Variants in FLACC1 observed in about 807,000 individuals in gnomAD.
FLACC1 encodes the protein flagellum-associated coiled-coil domain-containing protein 1.
A neutral mutation model predicts 62.8 loss-of-function variants in FLACC1; 66 were observed. That is an observed-to-expected ratio of 1.05 (90% CI 0.86 to 1.29). FLACC1 has a LOEUF of 1.29. Ranked by LOEUF, FLACC1 falls within the 50% of genes most tolerant of loss-of-function variation. The probability of loss-of-function intolerance (pLI) is 0.00; values close to 1 mark genes in which losing one functional copy is unlikely to be tolerated. For synonymous variants in FLACC1, 156 were observed against 161.0 expected, an observed-to-expected ratio of 0.97 and a Z score of 0.24; for missense variants, 452 against 489.1, an observed-to-expected ratio of 0.92 and a Z score of 0.71.
upstream of FLACC1, among the ~76,000 whole-genome samples, chr2:201,360,371 G>A (rs1414887766): frequency 1.3e-5 from 2 of 152,186 alleles, no homozygotes; most frequent in African/African-American, 2.4e-5. Context: ...TCTGCACAGG[G>A]CTTGGGGAAA....
chr2:201,342,542 T>C (rs1265651016), intron 6 of FLACC1, 111 bp from the exon 7 acceptor site: 3 of 1,041,234 alleles, frequency 2.9e-6, no homozygotes, highest in Non-Finnish European at 4.4e-6. Context: ...TTCCAATTCA[T>C]GGGGCACAGC....
chr2:201,359,304 G>A (rs1183414878), upstream of FLACC1, among the ~76,000 whole-genome samples: 1 of 152,158 alleles, frequency 6.6e-6, no homozygotes, highest in Non-Finnish European at 1.5e-5. Flanking sequence ...TGAGGTGCAG[G>A]GAGACTAATA....
chr2:201,320,424 G>A (rs371358916), intron 9 of FLACC1, among the ~76,000 whole-genome samples: 13 of 152,332 alleles, frequency 8.5e-5, no homozygotes, highest in African/African-American at 2.4e-4. Context: ...TGCAGGGAAC[G>A]TATATGACTC....
chr2:201,296,001 G>T (rs1002120678), intron 12 of FLACC1, among the ~76,000 whole-genome samples: 61 of 152,078 alleles, frequency 4.0e-4, no homozygotes, highest in African/African-American at 1.2e-3. Flanking sequence ...TCATTAAAAA[G>T]TCAGGAAACA....
rs1402451114 is a variant in FLACC1 at position 201,356,999 on chromosome 2, T to A, written c.-65A>T. The A allele has an allele frequency of 6.6e-6, 1 of 152,188 alleles. No individual in the cohort carries two copies. Among genetic ancestry groups the A allele is most frequent in the Non-Finnish European group, 1.5e-5 (1 of 68,050 alleles). 9.4% of individuals were successfully genotyped at this position (152,188 alleles called of 1,614,324 possible). A position where few individuals can be genotyped will look rare whatever the true frequency, so the allele number is the denominator to read the frequency against. On this transcript the variant is annotated 5_prime_UTR_variant, in exon 1 of 15. Coordinates refer to ENST00000392257, the MANE Select transcript of FLACC1 (RefSeq NM_001127391.3). ...GAGCTTACCTTGGACTGCCCAAAGA[T>A]CTGTTATTCTCATGTGGCCCAAGTC...
Position 201,348,249 on chromosome 2 carries a change from C to T in FLACC1, c.234+5G>A. The T allele has an allele frequency of 6.2e-7, 1 of 1,612,798 alleles. No homozygotes were observed. The highest frequency in any genetic ancestry group is 8.5e-7 in the Non-Finnish European group (1 of 1,179,654). The stretch of plus-strand genomic sequence containing the variant: ...GTCCCACCGCCCTCTCCTGCCTTTA[C>T]TCACATAAAATGATTTATTAGTCTC... On this transcript the variant is annotated splice_donor_5th_base_variant and intron_variant, in intron 4 of 14. Coordinates refer to ENST00000392257, the MANE Select transcript of FLACC1 (RefSeq NM_001127391.3).
At chr2:201,299,701 A>G (rs1046562930) in intron 11 of FLACC1, among the ~76,000 whole-genome samples, 3 of 152,222 alleles carry the variant, frequency 2.0e-5, no homozygotes, top group African/African-American at 7.2e-5. Flanking sequence ...AATACAAAGC[A>G]TGTGGAAAGG....
intron 10 of FLACC1, 56 bp from the exon 11 acceptor site, chr2:201,307,678 A>G (rs954472894): frequency 7.1e-5 from 87 of 1,228,820 alleles, no homozygotes; most frequent in Non-Finnish European, 1.0e-4. Flanking sequence ...AGCAGGTGCA[A>G]TGAGAAACCC....
At chr2:201,360,458 C>T (rs1951176645), upstream of FLACC1, among the ~76,000 whole-genome samples, 1 of 152,168 alleles carries the variant, frequency 6.6e-6, no homozygotes, top group Non-Finnish European at 1.5e-5. Context: ...GGAGGCTTTC[C>T]ATCTGTGGAG....
At chr2:201,319,994 C>T (rs1950373095) in intron 9 of FLACC1, among the ~76,000 whole-genome samples, 1 of 152,204 alleles carries the variant, frequency 6.6e-6, no homozygotes, top group Admixed American at 6.5e-5. Context: ...GGAATACACA[C>T]CCCCACTGTG....
chr2:201,317,342 T>C (rs1411471955), intron 9 of FLACC1, among the ~76,000 whole-genome samples: 3 of 152,140 alleles, frequency 2.0e-5, no homozygotes, highest in Non-Finnish European at 1.5e-5. Flanking sequence ...ATAAAAGAAT[T>C]CAGTAAAGTT....
chr2:201,289,539 T>C lies in FLACC1; in HGVS notation c.1060A>G (p.Met354Val). 6.2e-7 allele frequency: 1 copy of C among 1,614,176 alleles called. No homozygotes were observed. Among genetic ancestry groups the C allele is most frequent in the Non-Finnish European group, 8.5e-7 (1 of 1,180,024 alleles). ...EKAIVGNLEK[M>V]LQTKFAETEE... ...GTTTCAGCAAACTTGGTTTGAAGCA[T>C]TTTCTCCAGATTTCCCACTATAGCT... Residue 354 changes from methionine (M) to valine (V), a missense_variant, in exon 14 of 15, where the codon ATG becomes GTG. Coordinates refer to ENST00000392257, the MANE Select transcript of FLACC1 (RefSeq NM_001127391.3).
intron 11 of FLACC1, among the ~76,000 whole-genome samples, chr2:201,306,754 T>C (rs1373041205): frequency 6.6e-6 from 1 of 152,118 alleles, no homozygotes; most frequent in African/African-American, 2.4e-5. Context: ...AACCACAGGC[T>C]GACAGACAAT....
chr2:201,328,144 C>A (rs1202518582), intron 9 of FLACC1, among the ~76,000 whole-genome samples: 1 of 151,734 alleles, frequency 6.6e-6, no homozygotes, highest in Non-Finnish European at 1.5e-5. Context: ...ACTTTAGAGA[C>A]TCAGAAGGGG....
intron 9 of FLACC1, among the ~76,000 whole-genome samples, chr2:201,317,161 C>A (rs1366666108): frequency 6.6e-6 from 1 of 152,264 alleles, no homozygotes; most frequent in South Asian, 2.1e-4. Context: ...CCCACTCTCA[C>A]CACTCCTCTT....
At chr2:201,302,224 G>A (rs1164548688) in intron 11 of FLACC1, among the ~76,000 whole-genome samples, 1 of 152,116 alleles carries the variant, frequency 6.6e-6, no homozygotes, top group African/African-American at 2.4e-5. Flanking sequence ...CAAAATAAAA[G>A]GATGGAGTAA....
rs560462577 is a variant in FLACC1, at chr2:201,336,074, C to T, written c.525-5241G>A. On this transcript the variant is annotated intron_variant, in intron 7 of 14. Coordinates refer to ENST00000392257, the MANE Select transcript of FLACC1 (RefSeq NM_001127391.3). ...TGTTGCATAGGTAAATTGTACATCA[C>T]TGGGGTTTGGTGTACAAATGATTTC... Among the ~76,000 whole-genome samples the T allele has an allele frequency of 1.1e-3, 174 of 152,178 alleles. 1 individual carries two copies. Among genetic ancestry groups the T allele is most frequent in the African/African-American group, 3.8e-3 (159 of 41,526 alleles).
At chr2:201,318,284 AG>A (rs1406919688) in intron 9 of FLACC1, among the ~76,000 whole-genome samples, 1 of 152,210 alleles carries the variant, frequency 6.6e-6, no homozygotes, top group African/African-American at 2.4e-5. Flanking sequence ...CATGGCAAAA[AG>A]AACAGTCATC....
intron 12 of FLACC1, 30 bp downstream of exon 12, chr2:201,299,208 A>G (rs1949926726): frequency 6.3e-7 from 1 of 1,595,604 alleles, no homozygotes; most frequent in Non-Finnish European, 8.6e-7. Context: ...GTAATATACC[A>G]AGTCCACAGG....
Sources: gnomAD v4.1 joint callset for allele counts (sites outside exome capture counted in the v4.1 genomes callset) on GRCh38, gnomAD v4.1.1 for gene constraint, MANE v1.5 for transcripts, NCBI Gene and HGNC (gene_info 2026-07-23, HGNC 2026-07-21) for gene names.